The following SDC2 variants were observed in gnomAD, a reference collection of about 807,000 sequenced individuals.
The protein encoded by SDC2 is syndecan 2, also known as syndecan-2.
A neutral mutation model predicts 22.2 loss-of-function variants in SDC2; 13 were observed. The ratio of observed to expected loss-of-function variants is 0.59; its 90% CI spans 0.38 to 0.93. SDC2 has a LOEUF of 0.93. Among genes scored for constraint, SDC2 ranks in the 40% least tolerant of loss-of-function variants. The probability of loss-of-function intolerance (pLI) is 0.00; values close to 1 mark genes in which losing one functional copy is unlikely to be tolerated. For synonymous variants in SDC2, 94 were observed against 92.8 expected (o/e 1.01, Z -0.07); for missense variants, 235 against 246.8 (o/e 0.95, Z 0.32).
chr8:96,545,972 C>T (rs1343096152), intron 1 of SDC2, among the ~76,000 whole-genome samples: 1 of 152,204 alleles, frequency 6.6e-6, no homozygotes, highest in Admixed American at 6.5e-5. Context: ...TGAGGTGATG[C>T]GTGCAGCGAG....
intron 1 of SDC2, among the ~76,000 whole-genome samples, chr8:96,589,573 C>T (rs1294854506): frequency 1.3e-5 from 2 of 152,114 alleles, no homozygotes; most frequent in African/African-American, 2.4e-5. Flanking sequence ...CCACCACACC[C>T]GCCTAATTTT....
chr8:96,518,282 G>A (rs568763042), intron 1 of SDC2, among the ~76,000 whole-genome samples: 1 of 151,256 alleles, frequency 6.6e-6, no homozygotes, highest in Non-Finnish European at 1.5e-5. Flanking sequence ...GAAAAAAAAA[G>A]AAAAACCCAA....
intron 1 of SDC2, among the ~76,000 whole-genome samples, chr8:96,570,735 A>T (rs1208851200): frequency 1.3e-5 from 2 of 152,216 alleles, no homozygotes; most frequent in Non-Finnish European, 2.9e-5. Context: ...TATCTCAATA[A>T]TTTTTACATT....
At chr8:96,510,446 T>G (rs1813310937) in intron 1 of SDC2, among the ~76,000 whole-genome samples, 1 of 152,200 alleles carries the variant, frequency 6.6e-6, no homozygotes, top group African/African-American at 2.4e-5. Context: ...ATCTAATCTA[T>G]TCATAGTTTA....
intron 1 of SDC2, among the ~76,000 whole-genome samples, chr8:96,514,192 A>G (rs1813369182): frequency 6.6e-6 from 1 of 152,180 alleles, no homozygotes; most frequent in African/African-American, 2.4e-5. Flanking sequence ...TCAAACTTCA[A>G]GGGACTCTGA....
At chr8:96,510,747 CTG>C (rs1321695894) in intron 1 of SDC2, among the ~76,000 whole-genome samples, 2 of 152,080 alleles carry the variant, frequency 1.3e-5, no homozygotes, top group Non-Finnish European at 1.5e-5. Flanking sequence ...CCCAGTAAGT[CTG>C]TAATATCTAG....
intron 1 of SDC2, among the ~76,000 whole-genome samples, chr8:96,581,153 T>G (rs113347039): frequency 0.03 from 4,614 of 152,338 alleles, 218 homozygotes; most frequent in African/African-American, 0.097. Flanking sequence ...TAATTGTCAC[T>G]AGTAAATTAC....
chr8:96,506,926 G>T (rs566454593), intron 1 of SDC2, among the ~76,000 whole-genome samples: 1 of 151,404 alleles, frequency 6.6e-6, no homozygotes, highest in South Asian at 2.1e-4. Flanking sequence ...GGAGTATGGC[G>T]TGAACCCGAG....
At chr8:96,544,860 T>TA (rs1813906979) in intron 1 of SDC2, among the ~76,000 whole-genome samples, 1 of 152,270 alleles carries the variant, frequency 6.6e-6, no homozygotes. Flanking sequence ...GGTTTGTGCA[T>TA]AATTAAAAAT....
At chr8:96,505,901 C>T (rs1813231646) in intron 1 of SDC2, among the ~76,000 whole-genome samples, 1 of 152,140 alleles carries the variant, frequency 6.6e-6, no homozygotes, top group African/African-American at 2.4e-5. Context: ...TACTGTCTAC[C>T]TTATGATTAT....
At chr8:96,583,666 A>T (rs1303376687) in intron 1 of SDC2, among the ~76,000 whole-genome samples, 1 of 145,748 alleles carries the variant, frequency 6.9e-6, no homozygotes, top group Non-Finnish European at 1.5e-5. Context: ...GGCCAAATAT[A>T]TATATGTATT....
intron 1 of SDC2, among the ~76,000 whole-genome samples, chr8:96,516,026 G>A (rs1430954617): frequency 1.3e-5 from 2 of 152,146 alleles, no homozygotes; most frequent in Non-Finnish European, 2.9e-5. Flanking sequence ...AAGTACTGTT[G>A]TCACACTGCC....
At chr8:96,594,341 G>A (rs762265513) in intron 2 of SDC2, among the ~76,000 whole-genome samples, 4 of 152,136 alleles carry the variant, frequency 2.6e-5, no homozygotes, top group Non-Finnish European at 4.4e-5. Context: ...CAGCTTTCGG[G>A]TACTCATATC....
intron 1 of SDC2, among the ~76,000 whole-genome samples, chr8:96,525,757 G>GA: frequency 6.6e-6 from 1 of 152,136 alleles, no homozygotes; most frequent in African/African-American, 2.4e-5. Flanking sequence ...TCTTTTCCTG[G>GA]AAAAAATACT....
At chr8:96,518,383 CAG>C (rs1813440760) in intron 1 of SDC2, among the ~76,000 whole-genome samples, 2 of 135,786 alleles carry the variant, frequency 1.5e-5, no homozygotes, top group Non-Finnish European at 3.1e-5. Flanking sequence ...TTTTTTGAGA[CAG>C]AGTCTCTCTC....
intron 2 of SDC2, among the ~76,000 whole-genome samples, chr8:96,596,506 G>C (rs1359167757): frequency 1.3e-5 from 2 of 152,226 alleles, no homozygotes; most frequent in African/African-American, 4.8e-5. Flanking sequence ...GCCACACACT[G>C]TGCCATGCTC....
At chr8:96,520,125 C>A (rs1813473630) in intron 1 of SDC2, among the ~76,000 whole-genome samples, 1 of 152,144 alleles carries the variant, frequency 6.6e-6, no homozygotes, top group African/African-American at 2.4e-5. Context: ...ATATAAGAAT[C>A]CAGCCAATGA....
At chr8:96,538,108 G>A (rs951600712) in intron 1 of SDC2, among the ~76,000 whole-genome samples, 4 of 152,070 alleles carry the variant, frequency 2.6e-5, no homozygotes, top group African/African-American at 7.2e-5. Context: ...GATTACAGGC[G>A]CACACCACCA....
chr8:96,537,340 A>G (rs1813769941), intron 1 of SDC2: 1 of 152,236 alleles, frequency 6.6e-6, no homozygotes, highest in Non-Finnish European at 1.5e-5. Context: ...AACCCGCTGG[A>G]ATTTGAACTG....
Sources: gnomAD v4.1 joint callset for allele counts (sites outside exome capture counted in the v4.1 genomes callset) on GRCh38, gnomAD v4.1.1 for gene constraint, MANE v1.5 for transcripts, NCBI Gene and HGNC (gene_info 2026-07-23, HGNC 2026-07-21) for gene names.